Variants in FBRSL1 observed in about 807,000 individuals in gnomAD.
FBRSL1 encodes the protein fibrosin like 1.
Under a neutral mutation model 89.6 loss-of-function variants are expected in FBRSL1, and 51 were observed. That is an observed-to-expected ratio of 0.57 (90% CI 0.45 to 0.72). The LOEUF is 0.72. FBRSL1 is among the 30% of genes least tolerant of loss of function. The pLI, the probability that FBRSL1 is intolerant of heterozygous loss-of-function variation, is 0.00. For synonymous variants in FBRSL1, 779 were observed against 681.1 expected (o/e 1.14, Z -2.24); for missense variants, 1,618 against 1,451.8 (o/e 1.11, Z -1.86).
intron 2 of FBRSL1, among the ~76,000 whole-genome samples, chr12:132,521,815 C>T (rs976581826): frequency 1.3e-5 from 2 of 152,218 alleles, no homozygotes; most frequent in South Asian, 4.1e-4. Context: ...GGGAGGGCAC[C>T]TTCTGCTCAG....
At chr12:132,576,405 C>G (rs1358158758) in intron 14 of FBRSL1, among the ~76,000 whole-genome samples, 1 of 151,942 alleles carries the variant, frequency 6.6e-6, no homozygotes, top group Admixed American at 6.6e-5. Flanking sequence ...GTTGGCCAGG[C>G]TGGTCTCGAA....
intron 3 of FBRSL1, among the ~76,000 whole-genome samples, chr12:132,526,588 TC>T (rs2035807535): frequency 6.6e-6 from 1 of 152,124 alleles, no homozygotes; most frequent in South Asian, 2.1e-4. Context: ...AGCTGACCTG[TC>T]CCCGGCAAGG....
At chr12:132,529,821 C>G (rs570375384) in intron 4 of FBRSL1, among the ~76,000 whole-genome samples, 1 of 152,158 alleles carries the variant, frequency 6.6e-6, no homozygotes, top group Non-Finnish European at 1.5e-5. Flanking sequence ...GCCCAGAGTC[C>G]GTGAGCTGTT....
chr12:132,570,688 C>T, intron 8 of FBRSL1, 148 bp downstream of exon 8: 1 of 748,626 alleles, frequency 1.3e-6, no homozygotes, highest in East Asian at 3.1e-5. Flanking sequence ...CCCAGGTGTG[C>T]CTTTCCCCAG....
At chr12:132,537,782 G>T (rs552351787) in intron 4 of FBRSL1, among the ~76,000 whole-genome samples, 1 of 152,216 alleles carries the variant, frequency 6.6e-6, no homozygotes, top group Non-Finnish European at 1.5e-5. Flanking sequence ...CCGCCCACAC[G>T]TGTGCCTGCT....
chr12:132,509,019 C>A (rs906547985), intron 2 of FBRSL1: 17 of 1,146,608 alleles, frequency 1.5e-5, no homozygotes, highest in Non-Finnish European at 1.8e-5. Context: ...CAGGGTGGGG[C>A]TCTGCGCGGT....
At chr12:132,512,634 C>A (rs768496036) in intron 2 of FBRSL1, among the ~76,000 whole-genome samples, 4 of 152,258 alleles carry the variant, frequency 2.6e-5, no homozygotes, top group Non-Finnish European at 5.9e-5. Flanking sequence ...CCCCTACCCC[C>A]GGGCTCCTGT....
At chr12:132,576,483 G>A (rs926416991) in intron 14 of FBRSL1, among the ~76,000 whole-genome samples, 2 of 152,190 alleles carry the variant, frequency 1.3e-5, no homozygotes, top group Admixed American at 1.3e-4. Context: ...GTGAGCCACC[G>A]TGCCTGGCCT....
At chr12:132,504,326 A>G (rs1462001446) in intron 1 of FBRSL1, among the ~76,000 whole-genome samples, 2 of 152,188 alleles carry the variant, frequency 1.3e-5, no homozygotes, top group African/African-American at 2.4e-5. Context: ...TAGGAATGTT[A>G]TTGGTGCTGT....
intron 4 of FBRSL1, among the ~76,000 whole-genome samples, chr12:132,544,697 G>C (rs2037535718): frequency 6.6e-6 from 1 of 152,036 alleles, no homozygotes; most frequent in Non-Finnish European, 1.5e-5. Flanking sequence ...GATGGTGTTG[G>C]TGGTGGTGGT....
At chr12:132,550,562 C>T (rs541387858) in intron 5 of FBRSL1, among the ~76,000 whole-genome samples, 4 of 152,136 alleles carry the variant, frequency 2.6e-5, no homozygotes, top group Non-Finnish European at 4.4e-5. Context: ...TCAGCCTGTC[C>T]GTCTGTGTGA....
intron 4 of FBRSL1, among the ~76,000 whole-genome samples, chr12:132,532,159 C>A (rs999144511): frequency 7.0e-6 from 1 of 142,244 alleles, no homozygotes; most frequent in Admixed American, 6.9e-5. Context: ...CCAGCAGGAG[C>A]CAGAGTGAGG....
intron 9 of FBRSL1, chr12:132,571,605 C>T (rs1424496493): frequency 7.2e-6 from 7 of 978,048 alleles, no homozygotes; most frequent in South Asian, 5.2e-5. Context: ...GACACACGCT[C>T]GCACACACAC....
chr12:132,574,395 C>T, intron 13 of FBRSL1, 47 bp downstream of exon 13: 1 of 1,549,512 alleles, frequency 6.5e-7, no homozygotes, highest in East Asian at 2.4e-5. Flanking sequence ...ACTCTGGTGC[C>T]CCCGGGGCGG....
chr12:132,541,116 T>C (rs1298272338), intron 4 of FBRSL1, among the ~76,000 whole-genome samples: 78 of 105,854 alleles, frequency 7.4e-4, no homozygotes, highest in African/African-American at 1.2e-3. Flanking sequence ...TCCCACCACA[T>C]CCCTACCCCG....
intron 2 of FBRSL1, chr12:132,509,897 C>T: frequency 2.4e-6 from 3 of 1,231,450 alleles, no homozygotes; most frequent in Non-Finnish European, 3.0e-6. Flanking sequence ...CAGGACAGTG[C>T]TGCTGCCCCC....
rs903835238 is a variant in FBRSL1 at position 132,581,457 on chromosome 12, C to T, written c.1853C>T (p.Ser618Phe). The T allele has an allele frequency of 3.2e-6, 5 of 1,551,110 alleles. No homozygotes were observed. Among genetic ancestry groups the T allele is most frequent in the Non-Finnish European group, 4.4e-6 (5 of 1,146,938 alleles). Residue 618 changes from serine (S) to phenylalanine (F), a missense_variant, in exon 16 of 19, where the codon TCC becomes TTC. Ser to Phe is a radical substitution (Grantham distance 155, BLOSUM62 -2). Coordinates refer to ENST00000680143, the MANE Select transcript of FBRSL1 (RefSeq NM_001367871.1). ...FPSTGAAHPA[S>F]NPFGPSAHPG... ...CCCCCAGGTGCCGCCCATCCTGCCT[C>T]CAACCCATTTGGACCCTCAGCCCAT... is the stretch of plus-strand genomic sequence containing the variant.
chr12:132,570,600 C>A, intron 8 of FBRSL1, 60 bp downstream of exon 8: 1 of 1,368,744 alleles, frequency 7.3e-7, no homozygotes, highest in Non-Finnish European at 9.6e-7. Flanking sequence ...GGGACACGGC[C>A]ACCGGGGAGG....
At position 132,574,558 on chromosome 12, in the gene FBRSL1, G is replaced by C. The variant is rs747611006; in HGVS notation, c.1695G>C (p.Lys565Asn). 1.3e-6 allele frequency: 2 copies of C among 1,549,762 alleles called. No individual in the cohort carries two copies. The highest frequency in any genetic ancestry group is 1.7e-6 in the Non-Finnish European group (2 of 1,146,780). The change falls in exon 14 of 19, where the codon AAG (lysine) becomes AAC (asparagine). Residue 565 changes from lysine (K) to asparagine (N), a missense_variant. Transcript: ENST00000680143. ...GGCAGATCTACCGTCACCAGCAGAA[G>C]ATAAAGGTGAGACCACCTGGGCTGG... Reference protein sequence around the residue: ...IAWQIYRHQQKIKEMQLDPHK... With the variant: ...IAWQIYRHQQNIKEMQLDPHK...
Sources: allele counts gnomAD v4.1 joint callset (sites outside exome capture counted in the v4.1 genomes callset), GRCh38; gene constraint gnomAD v4.1.1; transcripts MANE v1.5; gene names NCBI Gene and HGNC (gene_info 2026-07-23, HGNC 2026-07-21).